Variants in ACP5 observed in about 807,000 individuals in gnomAD.
ACP5 encodes the protein acid phosphatase 5, tartrate resistant.
In ACP5, 24 loss-of-function variants were observed where a neutral mutation model predicts 28.7. That is an observed-to-expected ratio of 0.84 (90% CI 0.61 to 1.18). ACP5 has a LOEUF of 1.18. Ranked by LOEUF, ACP5 falls within the 50% of genes most tolerant of loss-of-function variation. The pLI is 0.00. For synonymous variants in ACP5, 154 were observed against 181.4 expected (o/e 0.85, Z 1.21); for missense variants, 354 against 422.2 (o/e 0.84, Z 1.42).
rs866992772 is a variant in ACP5, at chr19:11,576,458, T to C, written c.520A>G (p.Arg174Gly). Reference sequence around the variant, plus strand: ...CGGGCCAGCTTCACGTCTCGGGGCCTCTCAGGCTGCTGGCTGAGGAAGTCA... The same window carrying C: ...CGGGCCAGCTTCACGTCTCGGGGCCCCTCAGGCTGCTGGCTGAGGAAGTCA... ...SDDFLSQQPE[R>G]PRDVKLARTQ... is the part of the protein sequence containing the mutation. The change falls in exon 4 of 5, where the codon AGG (arginine) becomes GGG (glycine). Residue 174 changes from arginine to glycine, a missense_variant. By Grantham distance (125) the Arg-to-Gly change is moderately radical. Coordinates refer to ENST00000648477, the MANE Select transcript of ACP5 (RefSeq NM_001611.5). 10 of 1,613,986 alleles carry C rather than the reference T, an allele frequency of 6.2e-6. No individual in the cohort carries two copies. In the African/African-American group the frequency reaches 1.3e-4, roughly 22 times the overall value.
At chr19:11,577,813 T>C (rs1599638620), upstream of ACP5, 1 of 245,490 alleles carries the variant, frequency 4.1e-6, no homozygotes, top group Non-Finnish European at 8.2e-6. This position sits in a 1 kb window ranked among gnomAD's most constrained non-coding sequence, Gnocchi z 5.7. Flanking sequence ...GGTGGGAGGA[T>C]CTGGGCACAC....
chr19:11,575,316 A>G (rs975947629), intron 4 of ACP5, 64 bp from the exon 5 acceptor site: 4 of 1,604,202 alleles, frequency 2.5e-6, no homozygotes, highest in Non-Finnish European at 2.6e-6. Context: ...CCTAAGGTCC[A>G]GGGCTCGATC....
Position 11,577,227 on chromosome 19 carries a change from C to T in ACP5, c.91G>A (p.Val31Met), listed in dbSNP as rs765947561. 23 of 1,614,026 alleles carry T rather than the reference C, an allele frequency of 1.4e-5. No individual in the cohort carries two copies. The highest frequency in any genetic ancestry group is 1.1e-4 in the East Asian group (5 of 44,866). ...GATPALRFVA[V>M]GDWGGVPNAP... ...TTGGGGACCCCTCCCCAGTCACCCA[C>T]GGCTACAAAGCGCAGGGCAGGGGTG... Residue 31 changes from valine to methionine, a missense_variant, in exon 2 of 5, where the codon GTG becomes ATG. Transcript: ENST00000648477. This position sits in a 1 kb window ranked among gnomAD's most constrained non-coding sequence, Gnocchi z 5.7.
chr19:11,576,965 C>T (rs1973186978), intron 2 of ACP5, 92 bp downstream of exon 2: 1 of 1,605,940 alleles, frequency 6.2e-7, no homozygotes, highest in Non-Finnish European at 8.5e-7. Context: ...CCATCACCTT[C>T]CCTCTGCCCT....
In ACP5 at chr19:11,577,127, T is replaced by G. The variant is rs765370739; in HGVS notation, c.191A>C (p.Asp64Ala). ...ATTGTCCCCTAGAGACAGGATGAAG[T>G]CTGCACCCAGGATCTGCACAGTCCG... is the stretch of plus-strand genomic sequence containing the variant. ...IARTVQILGA[D>A]FILSLGDNFY... The change falls in exon 2 of 5, where the codon GAC becomes GCC. Residue 64 changes from aspartate to alanine, a missense_variant. Coordinates refer to ENST00000648477, the MANE Select transcript of ACP5 (RefSeq NM_001611.5). The surrounding 1 kb of genome is among the most constrained non-coding windows in gnomAD (Gnocchi z 5.7). The G allele has an allele frequency of 5.6e-6, 9 of 1,614,056 alleles. No individual in the cohort carries two copies. Among genetic ancestry groups the G allele is most frequent in the Non-Finnish European group, 7.6e-6 (9 of 1,180,008 alleles).
intron 4 of ACP5, 25 bp downstream of exon 4, chr19:11,576,218 C>T: frequency 6.3e-7 from 1 of 1,594,818 alleles, no homozygotes; most frequent in African/African-American, 1.3e-5. Flanking sequence ...TCACCCAGCT[C>T]CCACCCCACC....
intron 2 of ACP5, 54 bp from the exon 3 acceptor site, chr19:11,576,897 T>A (rs911315743): frequency 2.5e-6 from 4 of 1,613,320 alleles, no homozygotes; most frequent in Non-Finnish European, 3.4e-6. Context: ...GCTATGCCGA[T>A]CCTCCCACCA....
chr19:11,574,922 G>T lies in ACP5; in HGVS notation c.*88C>A. 6.6e-7 allele frequency: 1 copy of T among 1,516,528 alleles called. No homozygotes were observed. Among genetic ancestry groups the T allele is most frequent in the Non-Finnish European group, 9.1e-7 (1 of 1,096,140 alleles). 93.9% of individuals were successfully genotyped at this position (1,516,528 alleles called of 1,614,324 possible). ...CCCTGCTGCAGCGCCACAGGTTGGA[G>T]GAAAAGCCTGCCTGTGAGCAGGGTC... On this transcript the variant is annotated 3_prime_UTR_variant, in exon 5 of 5. Transcript: ENST00000648477.
chr19:11,577,488 G>A lies in ACP5; in HGVS notation c.-1+105C>T. The stretch of plus-strand genomic sequence containing the variant: ...ACACAAGCTGCACAAGGCTGCACAA[G>A]CTGGCTTAGGGAAGGGGGGCGCGGT... On this transcript the variant is annotated intron_variant, in intron 1 of 4. Coordinates refer to ENST00000648477, the MANE Select transcript of ACP5 (RefSeq NM_001611.5). The surrounding 1 kb of genome is among the most constrained non-coding windows in gnomAD (Gnocchi z 5.7). 1 of 786,368 alleles carries A rather than the reference G, an allele frequency of 1.3e-6. No individual in the cohort carries two copies. Among genetic ancestry groups the A allele is most frequent in the Non-Finnish European group, 2.1e-6 (1 of 475,944 alleles). 48.7% of individuals were successfully genotyped at this position (786,368 alleles called of 1,614,324 possible). A position where few individuals can be genotyped will look rare whatever the true frequency, so the allele number is the denominator to read the frequency against.
chr19:11,577,678 C>G (rs1025636710), upstream of ACP5: 10 of 393,814 alleles, frequency 2.5e-5, no homozygotes, highest in Admixed American at 3.7e-5. The surrounding 1 kb of genome is among the most constrained non-coding windows in gnomAD (Gnocchi z 5.7). Flanking sequence ...AGCCTTTATT[C>G]CCTGAGGAGG....
Position 11,575,253 on chromosome 19 carries a change from C to T in ACP5, c.736-1G>A. On this transcript the variant is annotated splice_acceptor_variant, in intron 4 of 4. Transcript: ENST00000648477. LOFTEE classifies it high-confidence loss of function. ...CCACGCCATTCTCATCTTGCAGGTACTGAGGATGGAGGACAAGGGGTCAGT... is the reference window on the plus strand; with the variant it reads ...CCACGCCATTCTCATCTTGCAGGTATTGAGGATGGAGGACAAGGGGTCAGT... 6.2e-7 allele frequency: 1 copy of T among 1,613,530 alleles called. No homozygotes were observed. Among genetic ancestry groups the T allele is most frequent in the Admixed American group, 1.7e-5 (1 of 59,998 alleles).
chr19:11,576,681 G>C (rs1253625835), intron 3 of ACP5, 35 bp downstream of exon 3: 2 of 1,613,980 alleles, frequency 1.2e-6, no homozygotes, highest in Non-Finnish European at 1.7e-6. Context: ...CCTGCTATGT[G>C]AGGATCTCGG....
rs1024960552 is a variant in ACP5, at chr19:11,575,015, G to A, written c.973C>T (p.Pro325Ser). ...AGCTGGGCAGTCATGGGAGTTCAGG[G>A]CCTGGCTCGCCTCGGCAGCCTGGTC... ...FKTRLPRRAR[P>S] The change falls in exon 5 of 5, where the codon CCC becomes TCC. Residue 325 changes from proline to serine, a missense_variant. Coordinates refer to ENST00000648477, the MANE Select transcript of ACP5 (RefSeq NM_001611.5). 39 of 1,614,054 alleles carry A rather than the reference G, an allele frequency of 2.4e-5. No homozygotes were observed. The highest frequency in any genetic ancestry group is 3.1e-5 in the Non-Finnish European group (36 of 1,180,038).
intron 4 of ACP5, 69 bp downstream of exon 4, chr19:11,576,174 G>T: frequency 7.3e-7 from 1 of 1,374,846 alleles, no homozygotes; most frequent in Non-Finnish European, 1.0e-6. Context: ...GAGGACCCCA[G>T]CCATGTGGAC....
At chr19:11,575,624 G>A (rs1452251506) in intron 4 of ACP5, 5 of 289,670 alleles carry the variant, frequency 1.7e-5, no homozygotes, top group Non-Finnish European at 1.4e-5. Flanking sequence ...TTGGGAGGCC[G>A]AGGCGGGCAG....
intron 2 of ACP5, 39 bp from the exon 3 acceptor site, chr19:11,576,882 C>T (rs755949462): frequency 6.2e-7 from 1 of 1,613,768 alleles, no homozygotes; most frequent in Non-Finnish European, 8.5e-7. Flanking sequence ...TCCCTGGGGT[C>T]AGTGGCTATG....
In ACP5 at chr19:11,577,240, C is replaced by T; in HGVS notation, c.78G>A (p.Leu26=). 1.2e-6 allele frequency: 2 copies of T among 1,614,176 alleles called. No homozygotes were observed. The highest frequency in any genetic ancestry group is 1.7e-6 in the Non-Finnish European group (2 of 1,180,016). ...PSLADGATPA[L]RFVAVGDWGG... ...CCCAGTCACCCACGGCTACAAAGCG[C>T]AGGGCAGGGGTGGCACCATCAGCCA... Residue 26 remains leucine (L), a synonymous_variant, in exon 2 of 5, where the codon CTG becomes CTA. Coordinates refer to ENST00000648477, the MANE Select transcript of ACP5 (RefSeq NM_001611.5). The surrounding 1 kb of genome is among the most constrained non-coding windows in gnomAD (Gnocchi z 5.7).
chr19:11,576,862 G>T lies in ACP5; in HGVS notation c.262-19C>A. 2 of 1,614,014 alleles carry T rather than the reference G, an allele frequency of 1.2e-6. No individual in the cohort carries two copies. Among genetic ancestry groups the T allele is most frequent in the South Asian group, 1.1e-5 (1 of 91,048 alleles). Reference sequence around the variant, plus strand: ...AGGTCTCCTGTAGCAAACAGATAGGGCAGGCCTCTTCCCTGGGGTCAGTGG... The same window carrying T: ...AGGTCTCCTGTAGCAAACAGATAGGTCAGGCCTCTTCCCTGGGGTCAGTGG... On this transcript the variant is annotated intron_variant, in intron 2 of 4. Coordinates refer to ENST00000648477, the MANE Select transcript of ACP5 (RefSeq NM_001611.5).
intron 4 of ACP5, among the ~76,000 whole-genome samples, chr19:11,576,006 CAAAAAA>C (rs3035420): frequency 1.9e-5 from 1 of 52,904 alleles, no homozygotes; most frequent in Non-Finnish European, 3.5e-5. Flanking sequence ...ACCTTGTCTC[CAAAAAA>C]AAAAAAAAAA....
Sources: gnomAD v4.1 joint callset for allele counts (sites outside exome capture counted in the v4.1 genomes callset) on GRCh38, gnomAD v4.1.1 for gene constraint, Gnocchi (gnomAD v3.1) non-coding constraint, MANE v1.5 for transcripts, NCBI Gene and HGNC (gene_info 2026-07-23, HGNC 2026-07-21) for gene names.